The following BNC2 variants were observed in gnomAD, a reference collection of about 807,000 sequenced individuals.
BNC2 encodes the protein zinc finger protein basonuclin-2.
BNC2 carries 20 observed loss-of-function variants against 76.3 expected under a neutral mutation model. The ratio of observed to expected loss-of-function variants is 0.26; its 90% CI spans 0.18 to 0.38. The LOEUF is 0.38. BNC2 is among the 10% of genes least tolerant of loss of function. BNC2 has a pLI of 1.00. For missense variants in BNC2, 1,382 were observed against 1,399.8 expected (o/e 0.99, Z 0.20); for synonymous variants, 582 against 514.8 (o/e 1.13, Z -1.77).
chr9:16,595,153 AG>A (rs1162410576), intron 3 of BNC2, among the ~76,000 whole-genome samples: 3 of 152,172 alleles, frequency 2.0e-5, no homozygotes, highest in Non-Finnish European at 4.4e-5. Flanking sequence ...AGATATTCCC[AG>A]GAACACTTGG....
intron 3 of BNC2, among the ~76,000 whole-genome samples, chr9:16,669,861 G>A (rs1822422102): frequency 6.6e-6 from 1 of 152,190 alleles, no homozygotes. Flanking sequence ...TTGAACTGCA[G>A]CTTAGAGTGG....
At chr9:16,503,579 T>C (rs1356967972) in intron 5 of BNC2, among the ~76,000 whole-genome samples, 4 of 152,104 alleles carry the variant, frequency 2.6e-5, no homozygotes, top group Admixed American at 1.3e-4. Context: ...CATATGGTGA[T>C]AGGACAAATT....
chr9:16,588,567 A>G (rs1226965548), intron 3 of BNC2, among the ~76,000 whole-genome samples: 2 of 152,230 alleles, frequency 1.3e-5, no homozygotes, highest in East Asian at 3.8e-4. Flanking sequence ...AAGAAAACTT[A>G]CAATAAAAAT....
chr9:16,688,820 G>C (rs547360689), intron 3 of BNC2, among the ~76,000 whole-genome samples: 2 of 152,202 alleles, frequency 1.3e-5, no homozygotes, highest in African/African-American at 4.8e-5. Context: ...GGAGGTCAGA[G>C]GCCTTGAAAG....
intron 3 of BNC2, among the ~76,000 whole-genome samples, chr9:16,698,677 A>G (rs948292846): frequency 2.6e-5 from 4 of 152,146 alleles, no homozygotes; most frequent in Non-Finnish European, 4.4e-5. Context: ...CTGGGCAACA[A>G]GAGCAAAACT....
chr9:16,834,529 A>C (rs1818657779), intron 1 of BNC2, among the ~76,000 whole-genome samples: 1 of 152,162 alleles, frequency 6.6e-6, no homozygotes, highest in African/African-American at 2.4e-5. Context: ...TACCTTCTCT[A>C]TGCCCAGTCA....
intron 1 of BNC2, among the ~76,000 whole-genome samples, chr9:16,824,934 G>A (rs1397469043): frequency 2.0e-5 from 3 of 152,088 alleles, no homozygotes; most frequent in African/African-American, 7.2e-5. Flanking sequence ...GTTTGACCAG[G>A]CTAAACTGGG....
chr9:16,740,580 GA>G (rs1381106550), intron 1 of BNC2, among the ~76,000 whole-genome samples: 2 of 152,198 alleles, frequency 1.3e-5, no homozygotes, highest in African/African-American at 4.8e-5. Flanking sequence ...CAAAGAAGCA[GA>G]AAAGATAAAA....
At chr9:16,816,934 G>A (rs1354208552) in intron 1 of BNC2, among the ~76,000 whole-genome samples, 2 of 152,148 alleles carry the variant, frequency 1.3e-5, no homozygotes, top group African/African-American at 4.8e-5. Context: ...AGCCATCTAG[G>A]ACTCCCCAAA....
chr9:16,777,761 G>C (rs1321353379), intron 1 of BNC2, among the ~76,000 whole-genome samples: 3 of 150,628 alleles, frequency 2.0e-5, no homozygotes, highest in Admixed American at 2.0e-4. Context: ...ACGCATGACT[G>C]TAAAATCAAA....
At chr9:16,552,452 G>A (rs1383515963) in intron 5 of BNC2, 78 bp downstream of exon 5, 14 of 1,207,014 alleles carry the variant, frequency 1.2e-5, no homozygotes, top group Middle Eastern at 2.1e-4. Context: ...CCCTTCCTGC[G>A]AGGTTTGTCA....
intron 5 of BNC2, among the ~76,000 whole-genome samples, chr9:16,471,278 C>T (rs1821818201): frequency 6.6e-6 from 1 of 151,012 alleles, no homozygotes; most frequent in Non-Finnish European, 1.5e-5. Flanking sequence ...TGGGAAGTAA[C>T]TAGCTTGCTT....
At chr9:16,451,877 T>C (rs1821347664) in intron 5 of BNC2, among the ~76,000 whole-genome samples, 1 of 152,190 alleles carries the variant, frequency 6.6e-6, no homozygotes, top group Admixed American at 6.5e-5. Flanking sequence ...ACAGAGTTTA[T>C]AAATGCTATG....
At chr9:16,486,359 G>T (rs1346118473) in intron 5 of BNC2, among the ~76,000 whole-genome samples, 1 of 152,304 alleles carries the variant, frequency 6.6e-6, no homozygotes, top group Admixed American at 6.5e-5. Flanking sequence ...TCCTAGTTCT[G>T]TGGGACTTGA....
chr9:16,772,030 C>T (rs1222467616), intron 1 of BNC2, among the ~76,000 whole-genome samples: 1 of 152,120 alleles, frequency 6.6e-6, no homozygotes, highest in Non-Finnish European at 1.5e-5. Flanking sequence ...ATGTCTGCAG[C>T]CTCAGCCTTA....
chr9:16,740,922 A>G (rs181392777), intron 1 of BNC2, among the ~76,000 whole-genome samples: 14 of 152,310 alleles, frequency 9.2e-5, no homozygotes, highest in Admixed American at 9.2e-4. Flanking sequence ...TGGTTAAGAA[A>G]TACATATATT....
chr9:16,796,941 T>C (rs917757543), intron 1 of BNC2, among the ~76,000 whole-genome samples: 3 of 152,206 alleles, frequency 2.0e-5, no homozygotes, highest in African/African-American at 7.2e-5. Context: ...TTCAGTCTGT[T>C]AGCAAAAGTG....
rs1825610692 is a variant in BNC2 at position 16,763,521 on chromosome 9, G to A, written c.4-25036C>T. Among the ~76,000 whole-genome samples the A allele has an allele frequency of 2.0e-5, 3 of 152,062 alleles. No homozygotes were observed. In the South Asian group the frequency reaches 6.2e-4, roughly 32 times the overall value. Reference sequence around the variant, plus strand: ...GGAGGTTGAGGCTGCAGTGAGCTGTGTTCACACCACTGCACTCCAGCCTGA... The same window carrying A: ...GGAGGTTGAGGCTGCAGTGAGCTGTATTCACACCACTGCACTCCAGCCTGA... On this transcript the variant is annotated intron_variant, in intron 1 of 6. Transcript: ENST00000380672.
At chr9:16,721,046 C>T (rs2134871072) in intron 3 of BNC2, among the ~76,000 whole-genome samples, 1 of 152,254 alleles carries the variant, frequency 6.6e-6, no homozygotes, top group African/African-American at 2.4e-5. Context: ...GTTAAACTTT[C>T]TTTAAACCTG....
Sources: allele counts gnomAD v4.1 joint callset (sites outside exome capture counted in the v4.1 genomes callset), GRCh38; gene constraint gnomAD v4.1.1; transcripts MANE v1.5; gene names NCBI Gene and HGNC (gene_info 2026-07-23, HGNC 2026-07-21).